The following GRIK2 variants were observed in gnomAD, a reference collection of about 807,000 sequenced individuals.
GRIK2 encodes the protein glutamate ionotropic receptor kainate type subunit 2.
Under a neutral mutation model 100.3 loss-of-function variants are expected in GRIK2, and 32 were observed. That is an observed-to-expected ratio of 0.32 (90% confidence interval 0.24 to 0.43). GRIK2 has a LOEUF of 0.43. Among genes scored for constraint, GRIK2 ranks in the 20% least tolerant of loss-of-function variants. GRIK2 has a pLI of 1.00. For synonymous variants in GRIK2, 417 were observed against 389.4 expected (o/e 1.07, Z -0.83); for missense variants, 843 against 1,114.9 (o/e 0.76, Z 3.47).
intron 12 of GRIK2, among the ~76,000 whole-genome samples, chr6:101,898,424 T>A (rs1787618666): frequency 1.3e-5 from 2 of 152,054 alleles, no homozygotes; most frequent in Admixed American, 1.3e-4. Flanking sequence ...CTCTATTAAA[T>A]ATTTTTACTA....
rs545186391 is a variant in GRIK2, at chr6:101,779,931, T to A, written c.952-19717T>A. ...AGAGAAAATAGAACAGATTATCTTA[T>A]CTTCATTATTGATTTACTCCCAACC... On this transcript the variant is annotated intron_variant, in intron 7 of 16. Coordinates refer to ENST00000369134, the MANE Select transcript of GRIK2 (RefSeq NM_021956.5). 1.2e-4 allele frequency among the ~76,000 whole-genome samples: 18 copies of A among 152,304 alleles called. 1 individual carries two copies. The South Asian group carries it at 3.7e-3, about 32-fold the overall frequency.
At chr6:101,977,569 C>G (rs1364441528) in intron 14 of GRIK2, among the ~76,000 whole-genome samples, 4 of 151,904 alleles carry the variant, frequency 2.6e-5, no homozygotes, top group Admixed American at 6.6e-5. Context: ...GCAGGCATGG[C>G]CCAGATTTAT....
At chr6:101,564,676 A>T (rs1031071059) in intron 2 of GRIK2, among the ~76,000 whole-genome samples, 5 of 152,102 alleles carry the variant, frequency 3.3e-5, no homozygotes, top group Non-Finnish European at 5.9e-5. Flanking sequence ...ACCCCACTGC[A>T]CTTCTCCACC....
rs147873323 is a variant in GRIK2, at chr6:101,914,718, T to C, written c.1749-9883T>C. Among the ~76,000 whole-genome samples the C allele has an allele frequency of 8.7e-4, 132 of 151,706 alleles. 1 individual carries two copies. Among genetic ancestry groups the C allele is most frequent in the African/African-American group, 3.1e-3 (128 of 41,496 alleles). On this transcript the variant is annotated intron_variant, in intron 12 of 16. Transcript: ENST00000369134. ...CTGCATTCACTTTTATTTACTCTTA[T>C]CAAATGGGATTATGAGTGTATGATA...
At position 101,435,580 on chromosome 6, in the gene GRIK2, T is replaced by C. The variant is rs189524349; in HGVS notation, c.115+36188T>C. ...GCGTCTCCCTTTTCCATGATCTCCA[T>C]GCCAGTGGCTTAGTAAATTTCCTTT... On this transcript the variant is annotated intron_variant, in intron 2 of 16. Transcript: ENST00000369134. Among the ~76,000 whole-genome samples, 374 of 152,228 alleles carry C rather than the reference T, an allele frequency of 2.5e-3. 2 individuals carry two copies. Among genetic ancestry groups the C allele is most frequent in the Non-Finnish European group, 4.3e-3 (291 of 67,994 alleles).
At chr6:101,583,063 G>A (rs758492628) in intron 2 of GRIK2, among the ~76,000 whole-genome samples, 2 of 152,128 alleles carry the variant, frequency 1.3e-5, no homozygotes, top group Non-Finnish European at 2.9e-5. Context: ...GCATAACAGA[G>A]AAAGGCCAGG....
chr6:101,912,735 C>T (rs1044605120), intron 12 of GRIK2, among the ~76,000 whole-genome samples: 5 of 151,426 alleles, frequency 3.3e-5, no homozygotes, highest in African/African-American at 1.2e-4. Flanking sequence ...GTGCTGTTTC[C>T]ACTGAGGCTG....
chr6:101,451,034 C>G (rs1403031332), intron 2 of GRIK2, among the ~76,000 whole-genome samples: 2 of 151,690 alleles, frequency 1.3e-5, no homozygotes, highest in Non-Finnish European at 3.0e-5. Flanking sequence ...CTTTCCCGCT[C>G]TATTTTTTCA....
intron 14 of GRIK2, among the ~76,000 whole-genome samples, chr6:101,985,417 T>C (rs770208898): frequency 1.3e-5 from 2 of 151,782 alleles, no homozygotes; most frequent in Non-Finnish European, 2.9e-5. Flanking sequence ...GTTTCTTATC[T>C]TCCCTGGTGA....
chr6:102,056,599 G>A (rs1358526971), intron 16 of GRIK2, among the ~76,000 whole-genome samples: 2 of 151,870 alleles, frequency 1.3e-5, no homozygotes, highest in East Asian at 3.9e-4. Flanking sequence ...ACTTTAGTTG[G>A]TAAATACAAA....
Position 101,933,081 on chromosome 6 carries a change from A to C in GRIK2, c.2085+4449A>C, listed in dbSNP as rs192662693. Among the ~76,000 whole-genome samples the C allele has an allele frequency of 2.1e-3, 325 of 152,120 alleles. 1 individual carries two copies. Among genetic ancestry groups the C allele is most frequent in the Non-Finnish European group, 3.3e-3 (224 of 67,902 alleles). On this transcript the variant is annotated intron_variant, in intron 14 of 16. Coordinates refer to ENST00000369134, the MANE Select transcript of GRIK2 (RefSeq NM_021956.5). ...TAGAGGATCTTTATCCAAATGAGAA[A>C]ATCTACAAGGTATTGCCTTGACTTT...
intron 11 of GRIK2, among the ~76,000 whole-genome samples, chr6:101,884,596 A>T (rs1051550404): frequency 1.3e-5 from 2 of 152,148 alleles, no homozygotes; most frequent in Non-Finnish European, 2.9e-5. Context: ...TTGCTTTATA[A>T]GATATAATCA....
At chr6:101,875,416 T>C (rs1161138199) in intron 11 of GRIK2, among the ~76,000 whole-genome samples, 1 of 151,918 alleles carries the variant, frequency 6.6e-6, no homozygotes, top group East Asian at 1.9e-4. Context: ...ATACTATTTT[T>C]TCTTTCATTT....
At chr6:101,975,809 G>A (rs2895442) in intron 14 of GRIK2, among the ~76,000 whole-genome samples, 4,969 of 147,472 alleles carry the variant, frequency 0.034, 86 homozygotes, top group Non-Finnish European at 0.036. Flanking sequence ...CTATCTATCT[G>A]TCTATCTATC....
At chr6:101,556,864 G>T (rs879579871) in intron 2 of GRIK2, among the ~76,000 whole-genome samples, 1 of 152,096 alleles carries the variant, frequency 6.6e-6, no homozygotes, top group African/African-American at 2.4e-5. Flanking sequence ...CTTCTTAATG[G>T]TGATATTTTT....
chr6:101,643,321 TG>T (rs1204557061), intron 4 of GRIK2, among the ~76,000 whole-genome samples: 1 of 151,664 alleles, frequency 6.6e-6, no homozygotes, highest in African/African-American at 2.4e-5. Flanking sequence ...TTTTCCCCTA[TG>T]TTTTTTTCTA....
At chr6:101,614,530 T>A (rs1033093481) in intron 2 of GRIK2, among the ~76,000 whole-genome samples, 3 of 151,670 alleles carry the variant, frequency 2.0e-5, no homozygotes, top group Non-Finnish European at 4.4e-5. Context: ...TCATTTAATA[T>A]CCATGGCATG....
chr6:101,944,337 T>G (rs1468598125), intron 14 of GRIK2, among the ~76,000 whole-genome samples: 2 of 152,180 alleles, frequency 1.3e-5, no homozygotes, highest in African/African-American at 2.4e-5. Flanking sequence ...GACACTGAAA[T>G]TATTTGTGTT....
intron 7 of GRIK2, among the ~76,000 whole-genome samples, chr6:101,737,859 A>G (rs190798569): frequency 8.1e-4 from 123 of 152,256 alleles, no homozygotes; most frequent in Admixed American, 1.8e-3. Flanking sequence ...TGTGAAAGAA[A>G]AGGTTGAACA....
Sources: allele counts gnomAD v4.1 joint callset (sites outside exome capture counted in the v4.1 genomes callset), GRCh38; gene constraint gnomAD v4.1.1; transcripts MANE v1.5; gene names NCBI Gene and HGNC (gene_info 2026-07-23, HGNC 2026-07-21).